LEPR: variants seen among roughly 807,000 people sequenced by gnomAD.
LEPR encodes the protein leptin receptor, also known as OB receptor.
Under a neutral mutation model 114.7 loss-of-function variants are expected in LEPR, and 56 were observed. The observed-to-expected ratio is 0.49, with a 90% CI of 0.39 to 0.61. LEPR has a LOEUF of 0.61. Ranked by LOEUF, LEPR falls within the 20% of genes least tolerant of loss-of-function variation. The probability of loss-of-function intolerance (pLI) is 0.00; values close to 1 mark genes in which losing one functional copy is unlikely to be tolerated. For missense variants in LEPR, 1,202 were observed against 1,352.9 expected (o/e 0.89, Z 1.75); for synonymous variants, 443 against 461.4 (o/e 0.96, Z 0.51).
At chr1:65,607,427 C>T (rs763483507) in intron 11 of LEPR, among the ~76,000 whole-genome samples, 5 of 152,116 alleles carry the variant, frequency 3.3e-5, no homozygotes, top group Admixed American at 6.5e-5. Flanking sequence ...GGTTCTGAGC[C>T]GTGGGCAGGT....
intron 2 of LEPR, among the ~76,000 whole-genome samples, chr1:65,488,256 C>CTTTCTTTCTTTCTTTCTTTCT (rs1557620468): frequency 1.0e-5 from 1 of 100,390 alleles, no homozygotes; most frequent in African/African-American, 3.9e-5. Context: ...TTCTTTCTTT[C>CTTTCTTTCTTTCTTTCTTTCT]TTTTCTTTCT....
chr1:65,566,392 G>A lies in LEPR; in HGVS notation c.40+787G>A, dbSNP rs548887550. Among the ~76,000 whole-genome samples, 39 of 152,022 alleles carry A rather than the reference G, an allele frequency of 2.6e-4. 1 individual carries two copies. Among genetic ancestry groups the A allele is most frequent in the African/African-American group, 8.4e-4 (35 of 41,470 alleles). The stretch of plus-strand genomic sequence containing the variant: ...TAATTTTTGTATTTTTAGTAGAGAC[G>A]GGGTTTCACTGCGTTGGCCAGATGG... On this transcript the variant is annotated intron_variant, in intron 3 of 19. Coordinates refer to ENST00000349533, the MANE Select transcript of LEPR (RefSeq NM_002303.6).
chr1:65,438,085 A>G (rs1646589791), intron 2 of LEPR, among the ~76,000 whole-genome samples: 1 of 135,818 alleles, frequency 7.4e-6, no homozygotes, highest in Admixed American at 8.2e-5. Flanking sequence ...TGCTGGGATT[A>G]CTGGTATGGG....
intron 2 of LEPR, among the ~76,000 whole-genome samples, chr1:65,460,601 G>A (rs144144049): frequency 1.3e-5 from 2 of 152,260 alleles, no homozygotes; most frequent in East Asian, 3.9e-4. Flanking sequence ...ACCTTCAAGA[G>A]GGGCCATGCG....
At chr1:65,430,260 G>T in intron 2 of LEPR, 1 of 393,218 alleles carries the variant, frequency 2.5e-6, no homozygotes, top group South Asian at 1.1e-4. Flanking sequence ...CTTTTAGCCA[G>T]ACGATATGAT....
chr1:65,452,747 T>A (rs1395549929), intron 2 of LEPR, among the ~76,000 whole-genome samples: 2 of 151,850 alleles, frequency 1.3e-5, no homozygotes, highest in Admixed American at 6.6e-5. Flanking sequence ...TCTCTTTTTT[T>A]GTTGTGTCTC....
Position 65,572,416 on chromosome 1 carries a change from A to G in LEPR, c.461A>G (p.Asn154Ser). 1 of 1,600,542 alleles carries G rather than the reference A, an allele frequency of 6.2e-7. No homozygotes were observed. The highest frequency in any genetic ancestry group is 8.5e-7 in the Non-Finnish European group (1 of 1,172,028). The change falls in exon 5 of 20, where the codon AAT becomes AGT. Residue 154 changes from asparagine to serine, a missense_variant. Transcript: ENST00000349533. ...VESLFKNLFR[N>S]YNYKVHLLYV... ...TCATTATTTAAGAATCTATTCAGGA[A>G]TTATAACTATAAGGTCCATCTTTTA...
chr1:65,613,626 G>A lies in LEPR; in HGVS notation c.1996-2382G>A, dbSNP rs866547946. ...AAATTAGCCGGGCGCGGTGGCGGGC[G>A]CCTGTAGTCCCAGCTACTCGGGAGG... On this transcript the variant is annotated intron_variant, in intron 14 of 19. Transcript: ENST00000349533. Among the ~76,000 whole-genome samples the A allele has an allele frequency of 1.6e-4, 21 of 129,976 alleles. 3 individuals carry two copies. Among genetic ancestry groups the A allele is most frequent in the Non-Finnish European group, 2.4e-4 (15 of 61,910 alleles). The allele number at this position is 129,976 out of a possible 152,430, so 85.3% of individuals were successfully genotyped here.
intron 2 of LEPR, among the ~76,000 whole-genome samples, chr1:65,502,508 A>G (rs982352733): frequency 6.6e-6 from 1 of 152,048 alleles, no homozygotes; most frequent in Admixed American, 6.6e-5. Flanking sequence ...TGTGGTCCAG[A>G]TGCTATTCTG....
intron 2 of LEPR, chr1:65,433,079 C>G (rs2100237688): frequency 8.1e-6 from 8 of 985,268 alleles, no homozygotes; most frequent in Non-Finnish European, 8.4e-6. Context: ...CGAGCCAGCC[C>G]CTGCGTTAGC....
intron 2 of LEPR, among the ~76,000 whole-genome samples, chr1:65,551,963 A>C (rs191542356): frequency 1.3e-5 from 2 of 152,128 alleles, no homozygotes; most frequent in Admixed American, 1.3e-4. Context: ...TTCATTATTT[A>C]CCCAGTAGTC....
chr1:65,614,314 G>C (rs1323071769), intron 14 of LEPR, among the ~76,000 whole-genome samples: 1 of 152,216 alleles, frequency 6.6e-6, no homozygotes, highest in African/African-American at 2.4e-5. Context: ...CTTAATGCAT[G>C]TAGATTAAAA....
At chr1:65,571,340 T>C (rs966335784) in intron 4 of LEPR, among the ~76,000 whole-genome samples, 3 of 151,836 alleles carry the variant, frequency 2.0e-5, no homozygotes, top group African/African-American at 7.3e-5. Context: ...GAACTAAAAA[T>C]AAAAGTTGGA....
intron 5 of LEPR, among the ~76,000 whole-genome samples, chr1:65,582,202 C>A (rs1333986489): frequency 3.9e-5 from 6 of 152,228 alleles, no homozygotes; most frequent in African/African-American, 1.4e-4. Context: ...AAACAGTAAT[C>A]ATTTATTATC....
intron 2 of LEPR, among the ~76,000 whole-genome samples, chr1:65,518,903 T>C (rs796288606): frequency 0.052 from 5,858 of 111,990 alleles, 162 homozygotes; most frequent in Middle Eastern, 0.13. Flanking sequence ...CTTTCTTTCT[T>C]TCTTTCTTTC....
intron 2 of LEPR, among the ~76,000 whole-genome samples, chr1:65,445,710 C>G (rs1432281633): frequency 6.6e-6 from 1 of 151,910 alleles, no homozygotes; most frequent in Non-Finnish European, 1.5e-5. Flanking sequence ...TTGTAACACA[C>G]ACTGAACTTA....
intron 5 of LEPR, 93 bp downstream of exon 5, chr1:65,572,542 C>A (rs1654274953): frequency 2.5e-6 from 3 of 1,217,402 alleles, no homozygotes; most frequent in Non-Finnish European, 3.5e-6. Context: ...CTCTTGCATC[C>A]CTACATTTCC....
At chr1:65,457,036 A>G (rs546250356) in intron 2 of LEPR, among the ~76,000 whole-genome samples, 63 of 152,320 alleles carry the variant, frequency 4.1e-4, no homozygotes, top group African/African-American at 1.5e-3. Flanking sequence ...TACATTTGCA[A>G]GAATCCAATC....
intron 2 of LEPR, among the ~76,000 whole-genome samples, chr1:65,483,335 C>T (rs187827895): frequency 2.6e-4 from 39 of 152,120 alleles, no homozygotes; most frequent in African/African-American, 8.2e-4. Flanking sequence ...AAAATTAAAA[C>T]GACAATGTAT....
Sources: allele counts gnomAD v4.1 joint callset (sites outside exome capture counted in the v4.1 genomes callset), GRCh38; gene constraint gnomAD v4.1.1; transcripts MANE v1.5; gene names NCBI Gene and HGNC (gene_info 2026-07-23, HGNC 2026-07-21).